Variants in PSPC1 observed in about 807,000 individuals in gnomAD.
PSPC1 encodes the protein paraspeckle protein 1.
A neutral mutation model predicts 51.6 loss-of-function variants in PSPC1; 14 were observed. The ratio of observed to expected loss-of-function variants is 0.27; its 90% CI spans 0.18 to 0.42. The LOEUF (loss-of-function observed/expected upper bound fraction) is 0.42, where lower values mean the gene tolerates loss of function less well. Among genes scored for constraint, PSPC1 ranks in the 10% least tolerant of loss-of-function variants. The pLI, the probability that PSPC1 is intolerant of heterozygous loss-of-function variation, is 1.00. For missense variants in PSPC1, 406 were observed against 701.1 expected (o/e 0.58, Z 4.75); for synonymous variants, 193 against 231.9 (o/e 0.83, Z 1.53).
intron 7 of PSPC1, among the ~76,000 whole-genome samples, chr13:19,708,980 A>G (rs1273207293): frequency 1.3e-5 from 2 of 151,798 alleles, no homozygotes; most frequent in Non-Finnish European, 2.9e-5. Flanking sequence ...CTGGGCAACA[A>G]AGCGAAATCC....
At chr13:19,766,254 T>C (rs371854619) in intron 2 of PSPC1, among the ~76,000 whole-genome samples, 10 of 152,158 alleles carry the variant, frequency 6.6e-5, no homozygotes, top group African/African-American at 2.4e-4. Flanking sequence ...ACATCTGTAA[T>C]CCCAGCTATT....
chr13:19,674,285 T>C (rs1411837949), downstream of PSPC1, among the ~76,000 whole-genome samples: 2 of 152,224 alleles, frequency 1.3e-5, no homozygotes, highest in Non-Finnish European at 2.9e-5. Flanking sequence ...TCTGATAATG[T>C]TGAATAACTA....
chr13:19,711,655 A>AG (rs1302401313), intron 6 of PSPC1, among the ~76,000 whole-genome samples: 5 of 149,962 alleles, frequency 3.3e-5, no homozygotes, highest in African/African-American at 4.9e-5. Context: ...AAAAAAAAAA[A>AG]AAAAAAGAAA....
chr13:19,671,978 G>C (rs1416201435), downstream of PSPC1: 4 of 1,217,258 alleles, frequency 3.3e-6, no homozygotes, highest in Non-Finnish European at 4.8e-6. Flanking sequence ...AGTTTTGTCT[G>C]TAAACCTCTT....
intron 5 of PSPC1, among the ~76,000 whole-genome samples, chr13:19,732,469 A>C (rs909965583): frequency 6.6e-6 from 1 of 152,204 alleles, no homozygotes; most frequent in Admixed American, 6.6e-5. Context: ...TTATATGCTC[A>C]GTGGGATCTG....
intron 4 of PSPC1, among the ~76,000 whole-genome samples, chr13:19,746,002 G>GTTTT (rs1389960770): frequency 2.2e-5 from 3 of 136,520 alleles, no homozygotes; most frequent in African/African-American, 2.7e-5. Context: ...TATTTGTTTT[G>GTTTT]TTTTTTGTTT....
At chr13:19,672,037 T>A (rs1876159798), downstream of PSPC1, 5 of 674,948 alleles carry the variant, frequency 7.4e-6, no homozygotes, top group African/African-American at 7.2e-5. Context: ...GACATAGCTG[T>A]GTCTGTGCCA....
chr13:19,705,318 C>A (rs1203965919), intron 8 of PSPC1, among the ~76,000 whole-genome samples: 9 of 152,166 alleles, frequency 5.9e-5, no homozygotes, highest in African/African-American at 1.9e-4. Flanking sequence ...CATAGTGAAA[C>A]CCTGTCTCTA....
chr13:19,764,161 T>C (rs1887842052), intron 2 of PSPC1, among the ~76,000 whole-genome samples: 3 of 152,274 alleles, frequency 2.0e-5, no homozygotes, highest in Non-Finnish European at 4.4e-5. Flanking sequence ...TAGCAAGTAT[T>C]GCAGAAGAAA....
rs781015313 is a variant in PSPC1, at chr13:19,730,232, TA to T, written c.1158+6del. Reference sequence around the variant, plus strand: ...AAATCATTTTAGTTAACTAGTAGTTTACTTACATTTTCCATGTAGTTTGGCT... The same window carrying T: ...AAATCATTTTAGTTAACTAGTAGTTTCTTACATTTTCCATGTAGTTTGGCT... On this transcript the variant is annotated splice_donor_region_variant and intron_variant, in intron 6 of 8. Transcript: ENST00000338910. 5.0e-6 allele frequency: 8 copies of T among 1,597,636 alleles called. No individual in the cohort carries two copies. In the East Asian group the frequency reaches 1.8e-4, roughly 36 times the overall value.
At chr13:19,776,101 A>G (rs771757292) in intron 1 of PSPC1, among the ~76,000 whole-genome samples, 3 of 152,120 alleles carry the variant, frequency 2.0e-5, no homozygotes, top group Non-Finnish European at 4.4e-5. Context: ...AAGACATTTA[A>G]TGGGGTGATA....
intron 1 of PSPC1, among the ~76,000 whole-genome samples, chr13:19,776,031 A>T (rs888514831): frequency 6.6e-6 from 1 of 152,092 alleles, no homozygotes; most frequent in Non-Finnish European, 1.5e-5. Context: ...AGCATGGGTG[A>T]CAGAGCAAGA....
chr13:19,723,753 CTAAGT>C (rs1271251742), intron 6 of PSPC1, among the ~76,000 whole-genome samples: 3 of 152,074 alleles, frequency 2.0e-5, no homozygotes, highest in Non-Finnish European at 4.4e-5. Context: ...TCACAAAAGT[CTAAGT>C]TAAGTTACAA....
intron 6 of PSPC1, among the ~76,000 whole-genome samples, chr13:19,717,546 AAC>A (rs763966460): frequency 4.6e-5 from 7 of 151,406 alleles, no homozygotes; most frequent in Non-Finnish European, 1.0e-4. Flanking sequence ...CTCTATTAAA[AAC>A]ACAAAAAATC....
At chr13:19,674,843 A>G (rs1352137163) in exon 8 of PSPC1, 1 of 152,252 alleles carries the variant, frequency 6.6e-6, no homozygotes, top group African/African-American at 2.4e-5. Context: ...ATCCTTGCTA[A>G]GAAGTCAAGA....
intron 4 of PSPC1, among the ~76,000 whole-genome samples, chr13:19,750,076 T>G (rs969381303): frequency 6.6e-6 from 1 of 152,110 alleles, no homozygotes; most frequent in Admixed American, 6.6e-5. Flanking sequence ...CTAAAGCAAG[T>G]GAGAATTTAC....
chr13:19,770,126 G>A (rs1019552628), intron 2 of PSPC1, among the ~76,000 whole-genome samples: 1 of 152,112 alleles, frequency 6.6e-6, no homozygotes, highest in Admixed American at 6.6e-5. Flanking sequence ...ACAAAGATAT[G>A]AATGAAATCT....
chr13:19,757,228 G>C (rs1455524564), intron 3 of PSPC1, among the ~76,000 whole-genome samples: 1 of 151,892 alleles, frequency 6.6e-6, no homozygotes, highest in Admixed American at 6.6e-5. Context: ...TCACAACTGA[G>C]AAGGGTCCCT....
intron 5 of PSPC1, among the ~76,000 whole-genome samples, chr13:19,739,953 T>C (rs1202206165): frequency 6.6e-6 from 1 of 151,992 alleles, no homozygotes; most frequent in Non-Finnish European, 1.5e-5. Flanking sequence ...ACCACTATTG[T>C]TTCTCATTCA....
Sources: allele counts gnomAD v4.1 joint callset (sites outside exome capture counted in the v4.1 genomes callset), GRCh38; gene constraint gnomAD v4.1.1; transcripts MANE v1.5; gene names NCBI Gene and HGNC (gene_info 2026-07-23, HGNC 2026-07-21).